Variants in NFIA observed in about 807,000 individuals in gnomAD.
NFIA encodes nuclear factor 1 A-type.
In NFIA, 8 loss-of-function variants were observed where a neutral mutation model predicts 62.8. The observed-to-expected ratio is 0.13, with a 90% CI of 0.07 to 0.23. NFIA has a LOEUF of 0.23. Ranked by LOEUF, NFIA falls within the 10% of genes least tolerant of loss-of-function variation. The pLI is 1.00. For missense variants in NFIA, 410 were observed against 642.1 expected, an observed-to-expected ratio of 0.64 and a Z score of 3.91; for synonymous variants, 235 against 238.1, an observed-to-expected ratio of 0.99 and a Z score of 0.12.
intron 2 of NFIA, among the ~76,000 whole-genome samples, chr1:61,123,079 C>T (rs959920189): frequency 6.6e-6 from 1 of 152,198 alleles, no homozygotes; most frequent in Non-Finnish European, 1.5e-5. Context: ...TAAATGATAT[C>T]CTATCATCAG....
intron 10 of NFIA, among the ~76,000 whole-genome samples, chr1:61,444,133 G>A (rs190319653): frequency 1.3e-5 from 2 of 152,272 alleles, no homozygotes; most frequent in East Asian, 1.9e-4. Flanking sequence ...GAGAATCAAC[G>A]TGCATTGACC....
chr1:61,272,837 G>C (rs540128908), intron 2 of NFIA, among the ~76,000 whole-genome samples: 1 of 152,000 alleles, frequency 6.6e-6, no homozygotes, highest in Non-Finnish European at 1.5e-5. Context: ...TGGAATTTTC[G>C]CTTTATTTCT....
At chr1:61,357,309 A>G (rs995770529) in intron 5 of NFIA, among the ~76,000 whole-genome samples, 1 of 152,230 alleles carries the variant, frequency 6.6e-6, no homozygotes, top group Non-Finnish European at 1.5e-5. Flanking sequence ...TTCTTTGGCT[A>G]GGTCCTGGAA....
At chr1:61,426,644 A>T (rs1211352481) in intron 10 of NFIA, 88 bp downstream of exon 10, 7 of 958,910 alleles carry the variant, frequency 7.3e-6, no homozygotes, top group African/African-American at 1.6e-5. Flanking sequence ...AAAAGGCCAC[A>T]TTTTCCAGAC....
At chr1:61,102,061 G>C (rs1340853244) in intron 2 of NFIA, among the ~76,000 whole-genome samples, 1 of 152,126 alleles carries the variant, frequency 6.6e-6, no homozygotes, top group African/African-American at 2.4e-5. Context: ...TTTGTATAGA[G>C]CACAGAACAA....
intron 2 of NFIA, among the ~76,000 whole-genome samples, chr1:61,275,545 A>G (rs1344436353): frequency 1.3e-5 from 2 of 152,222 alleles, no homozygotes; most frequent in East Asian, 1.9e-4. Flanking sequence ...GATATTACAC[A>G]TAGAAGTAGT....
At chr1:61,295,976 C>T (rs1335845987) in intron 3 of NFIA, among the ~76,000 whole-genome samples, 1 of 152,172 alleles carries the variant, frequency 6.6e-6, no homozygotes, top group East Asian at 1.9e-4. Context: ...ATGCACACTC[C>T]TCTCTTAGGG....
At chr1:61,317,553 T>C (rs1334112289) in intron 3 of NFIA, among the ~76,000 whole-genome samples, 4 of 152,082 alleles carry the variant, frequency 2.6e-5, no homozygotes, top group Non-Finnish European at 5.9e-5. Context: ...TTCTCACTTT[T>C]TGTAGAAAAA....
intron 2 of NFIA, among the ~76,000 whole-genome samples, chr1:61,224,053 T>G (rs1264574046): frequency 2.0e-5 from 3 of 152,054 alleles, no homozygotes; most frequent in Non-Finnish European, 4.4e-5. Flanking sequence ...GCTGATAAGA[T>G]AGAATTTTAC....
At chr1:61,396,052 C>T (rs144711563) in intron 7 of NFIA, among the ~76,000 whole-genome samples, 135 of 152,278 alleles carry the variant, frequency 8.9e-4, no homozygotes, top group African/African-American at 3.2e-3. Flanking sequence ...AGATGAGCTT[C>T]AGAGAGTATT....
rs397746696 is a variant in NFIA, at chr1:61,315,049, A to AAC, written c.626-17463_626-17462insAC. Among the ~76,000 whole-genome samples, 30 of 152,306 alleles carry AAC rather than the reference A, an allele frequency of 2.0e-4. 1 individual carries two copies. The highest frequency in any genetic ancestry group is 1.4e-3 in the Admixed American group (21 of 15,306). On this transcript the variant is annotated intron_variant, in intron 3 of 10. Coordinates refer to ENST00000403491, the MANE Select transcript of NFIA (RefSeq NM_001134673.4). ...ATTAAAGCACCTGAAACAAAAAAAA[A>AAC]CACTACATTTAGCTTCTCTCTAACC...
chr1:61,283,417 CAA>C (rs778374669), intron 3 of NFIA, among the ~76,000 whole-genome samples: 12 of 126,856 alleles, frequency 9.5e-5, no homozygotes, highest in African/African-American at 8.6e-5. Context: ...CTAAAAATAC[CAA>C]AAAAAAAAAA....
intron 2 of NFIA, among the ~76,000 whole-genome samples, chr1:61,153,015 T>G (rs1648530166): frequency 6.6e-6 from 1 of 152,184 alleles, no homozygotes; most frequent in Non-Finnish European, 1.5e-5. Flanking sequence ...CTTCCTAGTC[T>G]TCATCTAGTC....
intron 3 of NFIA, among the ~76,000 whole-genome samples, chr1:61,283,581 CAAAAAAAAAAAAA>C (rs576613886): frequency 2.7e-5 from 1 of 36,680 alleles, no homozygotes. Flanking sequence ...GACTCTGTCT[CAAAAAAAAAAAAA>C]AAAAAAAAAA....
chr1:61,437,060 A>T (rs1329515517), intron 10 of NFIA, among the ~76,000 whole-genome samples: 3 of 152,204 alleles, frequency 2.0e-5, no homozygotes, highest in Admixed American at 1.3e-4. Flanking sequence ...CACCAGGCAC[A>T]GTTGTTCTCA....
chr1:61,158,286 A>G (rs891160320), intron 2 of NFIA, among the ~76,000 whole-genome samples: 3 of 152,182 alleles, frequency 2.0e-5, no homozygotes, highest in African/African-American at 7.2e-5. Flanking sequence ...CTTTCTTAAT[A>G]ATTTTACATT....
At chr1:61,115,365 G>A (rs1646777993) in intron 2 of NFIA, among the ~76,000 whole-genome samples, 1 of 152,226 alleles carries the variant, frequency 6.6e-6, no homozygotes, top group Non-Finnish European at 1.5e-5. Flanking sequence ...AGGAAGCTGG[G>A]CTTCCCTTCC....
chr1:61,195,815 A>C (rs1035216863), intron 2 of NFIA, among the ~76,000 whole-genome samples: 17 of 152,190 alleles, frequency 1.1e-4, no homozygotes, highest in Admixed American at 1.1e-3. Flanking sequence ...GGAGGCTAGA[A>C]ATTCAATTTC....
chr1:61,445,775 C>T (rs901566608), intron 10 of NFIA, among the ~76,000 whole-genome samples: 2 of 152,218 alleles, frequency 1.3e-5, no homozygotes, highest in African/African-American at 2.4e-5. Flanking sequence ...ATGCTCCTTA[C>T]ATTTTAGGCC....
Sources: gnomAD v4.1 joint callset for allele counts (sites outside exome capture counted in the v4.1 genomes callset) on GRCh38, gnomAD v4.1.1 for gene constraint, MANE v1.5 for transcripts, NCBI Gene and HGNC (gene_info 2026-07-23, HGNC 2026-07-21) for gene names.